Variants in BUB1B observed in about 807,000 individuals in gnomAD.
BUB1B encodes BUB1 mitotic checkpoint serine/threonine kinase B, also known as mitotic checkpoint serine/threonine-protein kinase BUB1 beta.
Under a neutral mutation model 137.7 loss-of-function variants are expected in BUB1B, and 86 were observed. The ratio of observed to expected loss-of-function variants is 0.62; its 90% CI spans 0.52 to 0.75. The LOEUF (loss-of-function observed/expected upper bound fraction) is 0.75, where lower values mean the gene tolerates loss of function less well. BUB1B is among the 30% of genes least tolerant of loss of function. The pLI, the probability that BUB1B is intolerant of heterozygous loss-of-function variation, is 0.00. For synonymous variants in BUB1B, 420 were observed against 417.9 expected (o/e 1.00, Z -0.06); for missense variants, 1,130 against 1,236.9 (o/e 0.91, Z 1.30).
At chr15:40,185,053 C>A (rs878992539) in intron 6 of BUB1B, 112 bp from the exon 7 acceptor site, 38 of 564,896 alleles carry the variant, frequency 6.7e-5, no homozygotes, top group Middle Eastern at 4.1e-4. Flanking sequence ...TTTTTTTTTT[C>A]TGTTGTAGTG....
chr15:40,167,105 A>G (rs1252904997), intron 2 of BUB1B, among the ~76,000 whole-genome samples: 3 of 151,222 alleles, frequency 2.0e-5, no homozygotes, highest in Admixed American at 6.6e-5. Flanking sequence ...TAAAGTCTCT[A>G]TACTAGTCTT....
intron 9 of BUB1B, among the ~76,000 whole-genome samples, chr15:40,199,379 G>A (rs2037535726): frequency 6.6e-6 from 1 of 152,244 alleles, no homozygotes; most frequent in Non-Finnish European, 1.5e-5. Flanking sequence ...GCACATAGTA[G>A]GTATTCAATG....
At chr15:40,193,019 T>A (rs559993559) in intron 8 of BUB1B, among the ~76,000 whole-genome samples, 2 of 152,004 alleles carry the variant, frequency 1.3e-5, no homozygotes, top group South Asian at 4.2e-4. Context: ...GCTGGCTTAT[T>A]ATTTTTTTTT....
rs376880716 is a variant in BUB1B at position 40,202,418 on chromosome 15, T to C, written c.1581T>C (p.Pro527=). Residue 527 remains proline, a synonymous_variant, in exon 13 of 23, where the codon CCT becomes CCC. Transcript: ENST00000287598. ...EQPHSKGPSV[P]FSIFDEFLLS... is the part of the protein sequence containing the mutation. ...CTCTTTCTCTAGGTCCCAGTGTACC[T>C]TTCTCCATTTTTGATGAGTTTCTTC... The C allele has an allele frequency of 2.5e-6, 4 of 1,611,412 alleles. No individual in the cohort carries two copies. The highest frequency in any genetic ancestry group is 1.3e-5 in the African/African-American group (1 of 74,952).
At chr15:40,177,703 T>C (rs1446558049) in intron 5 of BUB1B, among the ~76,000 whole-genome samples, 1 of 152,028 alleles carries the variant, frequency 6.6e-6, no homozygotes, top group Admixed American at 6.5e-5. Context: ...GGTAGTTCAT[T>C]TGACTTTCTA....
intron 15 of BUB1B, 75 bp downstream of exon 15, chr15:40,206,533 A>T (rs1322866996): frequency 6.3e-7 from 1 of 1,585,858 alleles, no homozygotes; most frequent in Non-Finnish European, 8.6e-7. Context: ...CAGTTACAGT[A>T]ATCAGTTATC....
At chr15:40,209,996 A>G in intron 17 of BUB1B, 114 bp from the exon 18 acceptor site, 5 of 1,004,512 alleles carry the variant, frequency 5.0e-6, no homozygotes, top group Non-Finnish European at 7.7e-6. Flanking sequence ...AGTATTCTAG[A>G]TACTACTAAC....
intron 2 of BUB1B, among the ~76,000 whole-genome samples, chr15:40,169,122 C>T (rs1368328578): frequency 6.6e-6 from 1 of 152,104 alleles, no homozygotes; most frequent in Non-Finnish European, 1.5e-5. Context: ...GGCTTATTAC[C>T]TAATTCTTCC....
At chr15:40,200,896 A>G (rs752339968) in intron 11 of BUB1B, 35 bp from the exon 12 acceptor site, 2 of 1,597,202 alleles carry the variant, frequency 1.3e-6, no homozygotes, top group South Asian at 1.1e-5. Context: ...TTCTGTGGGT[A>G]TTGAGCACAT....
At position 40,170,280 on chromosome 15, in the gene BUB1B, G is replaced by A. The variant is rs143888330; in HGVS notation, c.239+159G>A. On this transcript the variant is annotated intron_variant, in intron 3 of 22. Transcript: ENST00000287598. ...TAATCATAATATATCTTCCTGAGGT[G>A]TTTAAGATTCAAGAAATTTCAAGTT... 227 of 801,046 alleles carry A rather than the reference G, an allele frequency of 2.8e-4. 1 individual carries two copies. The African/African-American group carries it at 3.1e-3, about 11-fold the overall frequency. 49.6% of individuals were successfully genotyped at this position (801,046 alleles called of 1,614,324 possible). A position where few individuals can be genotyped will look rare whatever the true frequency, so the allele number is the denominator to read the frequency against.
chr15:40,186,635 C>T (rs2037366398), intron 8 of BUB1B, among the ~76,000 whole-genome samples: 2 of 149,748 alleles, frequency 1.3e-5, no homozygotes, highest in South Asian at 4.3e-4. Context: ...TTAGTGGACA[C>T]GGGGTTTCAC....
intron 5 of BUB1B, among the ~76,000 whole-genome samples, chr15:40,183,091 A>G (rs2037314262): frequency 1.3e-5 from 2 of 152,082 alleles, no homozygotes; most frequent in Admixed American, 6.6e-5. Context: ...TACCCTTATG[A>G]TAATACTTTT....
intron 8 of BUB1B, among the ~76,000 whole-genome samples, chr15:40,187,265 A>G (rs2037378637): frequency 6.6e-6 from 1 of 151,922 alleles, no homozygotes; most frequent in Non-Finnish European, 1.5e-5. Context: ...ATCTGGGACT[A>G]CAGGCGCCTG....
Position 40,220,670 on chromosome 15 carries a change from G to A in BUB1B, c.3064G>A (p.Val1022Ile). The change falls in exon 23 of 23, where the codon GTT (valine) becomes ATT (isoleucine). Residue 1022 changes from valine (V) to isoleucine (I), a missense_variant. Transcript: ENST00000287598. ...LGELAAEMNGVFDTTFQSHLN... is the reference protein window; with the variant it reads ...LGELAAEMNGIFDTTFQSHLN... ...GGAGCTTGCAGCAGAAATGAATGGG[G>A]TTTTTGACACTACATTCCAAAGTCA... The A allele has an allele frequency of 5.0e-6, 8 of 1,614,202 alleles. No individual in the cohort carries two copies. The highest frequency in any genetic ancestry group is 6.8e-6 in the Non-Finnish European group (8 of 1,180,032).
chr15:40,200,333 T>G lies in BUB1B; in HGVS notation c.1491T>G (p.Ser497=). ...TACCAGGAATGACTCTATCCAGTTC[T>G]GTTTGTCAAGTAAACTGTTGTGCCA... ...QKIPGMTLSS[S]VCQVNCCARE... The change falls in exon 11 of 23, where the codon TCT becomes TCG. Residue 497 remains serine, a synonymous_variant. Coordinates refer to ENST00000287598, the MANE Select transcript of BUB1B (RefSeq NM_001211.6). 6.2e-7 allele frequency: 1 copy of G among 1,613,908 alleles called. No homozygotes were observed. Among genetic ancestry groups the G allele is most frequent in the Non-Finnish European group, 8.5e-7 (1 of 1,179,818 alleles).
intron 5 of BUB1B, among the ~76,000 whole-genome samples, chr15:40,183,141 C>A (rs1214266682): frequency 6.6e-6 from 1 of 152,132 alleles, no homozygotes; most frequent in Non-Finnish European, 1.5e-5. Flanking sequence ...AATGGAGAAT[C>A]TCTTCTGATA....
intron 5 of BUB1B, among the ~76,000 whole-genome samples, chr15:40,176,959 C>T (rs2140885752): frequency 6.6e-6 from 1 of 152,244 alleles, no homozygotes. Flanking sequence ...AGTACCTATG[C>T]TGAACCCAAA....
At chr15:40,184,539 A>C (rs1233716006) in intron 6 of BUB1B, among the ~76,000 whole-genome samples, 2 of 152,184 alleles carry the variant, frequency 1.3e-5, no homozygotes, top group African/African-American at 2.4e-5. Flanking sequence ...GAGAATAATA[A>C]GCTTTTATTT....
intron 1 of BUB1B, among the ~76,000 whole-genome samples, chr15:40,164,439 G>A (rs929256265): frequency 1.3e-5 from 2 of 151,944 alleles, no homozygotes; most frequent in Non-Finnish European, 2.9e-5. Flanking sequence ...TGTTGCCCAG[G>A]GTGGTGTTGA....
Sources: gnomAD v4.1 joint callset for allele counts (sites outside exome capture counted in the v4.1 genomes callset) on GRCh38, gnomAD v4.1.1 for gene constraint, MANE v1.5 for transcripts, NCBI Gene and HGNC (gene_info 2026-07-23, HGNC 2026-07-21) for gene names.